Variants in EBLN1 observed in about 807,000 individuals in gnomAD.
EBLN1 encodes endogenous Bornavirus like nucleoprotein 1, also known as endogenous Bornavirus-like nucleoprotein 1.
In EBLN1, 1 loss-of-function variant was observed where a neutral mutation model predicts 0.8. The ratio of observed to expected loss-of-function variants is 1.32; its 90% confidence interval spans 0.47 to 6.26. EBLN1 has a LOEUF of 6.26. Ranked by LOEUF, EBLN1 falls within the 30% of genes most tolerant of loss-of-function variation. The probability of loss-of-function intolerance (pLI) is 0.15; values close to 1 mark genes in which losing one functional copy is unlikely to be tolerated. For synonymous variants in EBLN1, 158 were observed against 158.5 expected (o/e 1.00, Z 0.02); for missense variants, 396 against 447.9 (o/e 0.88, Z 1.05).
Position 22,217,417 on chromosome 10 carries a change from C to T in EBLN1, c.-169+499G>A, listed in dbSNP as rs564017836. Among the ~76,000 whole-genome samples, 141 of 152,318 alleles carry T rather than the reference C, an allele frequency of 9.3e-4. 1 individual carries two copies. Among genetic ancestry groups the T allele is most frequent in the Non-Finnish European group, 1.6e-3 (111 of 68,030 alleles). ...AGAACTGCTTCACTTTCATACTGTT[C>T]TCATATTCATTTCTTATGTGCCAAG... On this transcript the variant is annotated intron_variant, in intron 1 of 2. Coordinates refer to ENST00000422359, the MANE Select transcript of EBLN1 (RefSeq NM_001394757.1).
At chr10:22,214,269 A>AG (rs34227637) in intron 1 of EBLN1, among the ~76,000 whole-genome samples, 48,288 of 150,750 alleles carry the variant, frequency 0.32, 8,691 homozygotes, top group African/African-American at 0.49. Context: ...ACAGAGGAAT[A>AG]GTTTTTTGAT....
At chr10:22,210,444 CAGAA>C (rs1311396245) in intron 2 of EBLN1, among the ~76,000 whole-genome samples, 1 of 152,216 alleles carries the variant, frequency 6.6e-6, no homozygotes, top group South Asian at 2.1e-4. Context: ...CCAGGATCCA[CAGAA>C]AGAGTTAGTT....
intron 2 of EBLN1, 138 bp from the exon 3 acceptor site, chr10:22,210,165 C>T (rs1174042476): frequency 1.2e-6 from 1 of 805,618 alleles, no homozygotes; most frequent in Non-Finnish European, 1.7e-6. Flanking sequence ...ATTTCCAAAT[C>T]TCCTTAATTA....
At position 22,209,449 on chromosome 10, in the gene EBLN1, C is replaced by T. The variant is rs1834725550; in HGVS notation, c.535G>A (p.Glu179Lys). Reference sequence around the variant, plus strand: ...TAGCTAATTAATAAATCAGCACTTTCACTATGCAAAGGTCTTCCAATGGAT... The same window carrying T: ...TAGCTAATTAATAAATCAGCACTTTTACTATGCAAAGGTCTTCCAATGGAT... Reference protein sequence around the residue: ...MISIGRPLHSESADLLISYNA... With the variant: ...MISIGRPLHSKSADLLISYNA... Residue 179 changes from glutamate to lysine, a missense_variant, in exon 3 of 3, where the codon GAA becomes AAA. Transcript: ENST00000422359. 6.3e-7 allele frequency: 1 copy of T among 1,598,756 alleles called. No individual in the cohort carries two copies. Among genetic ancestry groups the T allele is most frequent in the African/African-American group, 1.3e-5 (1 of 74,930 alleles).
chr10:22,215,931 G>A (rs1834789071), intron 1 of EBLN1, among the ~76,000 whole-genome samples: 1 of 152,026 alleles, frequency 6.6e-6, no homozygotes, highest in Admixed American at 6.6e-5. Flanking sequence ...AAGAGAAAAT[G>A]ACAGTACAAA....
chr10:22,208,819 T>G lies in EBLN1; in HGVS notation c.*64A>C. The G allele has an allele frequency of 7.0e-7, 1 of 1,430,780 alleles. No individual in the cohort carries two copies. The highest frequency in any genetic ancestry group is 9.1e-7 in the Non-Finnish European group (1 of 1,093,472). The allele number at this position is 1,430,780 out of a possible 1,614,324, so 88.6% of individuals were successfully genotyped here. A position where few individuals can be genotyped will look rare whatever the true frequency, so the allele number is the denominator to read the frequency against. Reference sequence around the variant, plus strand: ...CAATAGGCAACACTCAGATACTATTTTAGAATGTGATTTTCACATAATTTC... The same window carrying G: ...CAATAGGCAACACTCAGATACTATTGTAGAATGTGATTTTCACATAATTTC... On this transcript the variant is annotated 3_prime_UTR_variant, in exon 3 of 3. Coordinates refer to ENST00000422359, the MANE Select transcript of EBLN1 (RefSeq NM_001394757.1).
chr10:22,211,172 T>G (rs1159404967), intron 2 of EBLN1, among the ~76,000 whole-genome samples: 1 of 152,224 alleles, frequency 6.6e-6, no homozygotes, highest in African/African-American at 2.4e-5. Flanking sequence ...AAGGTTATTA[T>G]GTTTTGTCAT....
chr10:22,217,331 A>G (rs1477766841), intron 1 of EBLN1, among the ~76,000 whole-genome samples: 2 of 152,166 alleles, frequency 1.3e-5, no homozygotes, highest in African/African-American at 4.8e-5. Flanking sequence ...TCACCAGTGC[A>G]AAAACTTATC....
At chr10:22,214,090 A>G (rs1307779718) in intron 1 of EBLN1, among the ~76,000 whole-genome samples, 1 of 152,218 alleles carries the variant, frequency 6.6e-6, no homozygotes, top group Admixed American at 6.5e-5. Context: ...AGGAAGTGTT[A>G]AGAAAAATGG....
At position 22,209,909 on chromosome 10, in the gene EBLN1, G is replaced by C. The variant is rs762651116; in HGVS notation, c.75C>G (p.Tyr25Ter). 3.5e-4 allele frequency: 515 copies of C among 1,480,852 alleles called. No individual in the cohort carries two copies. The highest frequency in any genetic ancestry group is 4.3e-4 in the Non-Finnish European group (478 of 1,123,504). The allele number at this position is 1,480,852 out of a possible 1,614,324, so 91.7% of individuals were successfully genotyped here. A position where few individuals can be genotyped will look rare whatever the true frequency, so the allele number is the denominator to read the frequency against. Residue 25 changes from tyrosine (Y) to a stop codon, truncating the protein, a stop_gained, in exon 3 of 3, where the codon TAC (tyrosine) becomes TAG (stop). Transcript: ENST00000422359. LOFTEE classifies it low-confidence loss of function (END_TRUNC). ...DSTKDGSSFH[Y>*]FQGRFELSGK... is the part of the protein sequence containing the mutation. ...CAGAGAGCTCAAATCTCCCTTGAAA[G>C]TAATGGAAGCTGCTCCCATCCTTTG...
In EBLN1 at chr10:22,209,659, C is replaced by T. The variant is rs779714645; in HGVS notation, c.325G>A (p.Glu109Lys). ...SKRSNIVIGN[E>K]NKETGTLYAS... ...TAGAGAGTACCTGTTTCCTTGTTCT[C>T]ATTCCCAATCACAATATTAGACCTT... The change falls in exon 3 of 3, where the codon GAG (glutamate) becomes AAG (lysine). Residue 109 changes from glutamate (E) to lysine (K), a missense_variant. By Grantham distance (56) the Glu-to-Lys change is moderately conservative (BLOSUM62 1). Coordinates refer to ENST00000422359, the MANE Select transcript of EBLN1 (RefSeq NM_001394757.1). 8 of 1,535,850 alleles carry T rather than the reference C, an allele frequency of 5.2e-6. No individual in the cohort carries two copies. The highest frequency in any genetic ancestry group is 7.0e-6 in the Non-Finnish European group (8 of 1,146,904).
intron 1 of EBLN1, among the ~76,000 whole-genome samples, chr10:22,213,668 C>T (rs1410508463): frequency 4.6e-5 from 7 of 152,090 alleles, no homozygotes; most frequent in Non-Finnish European, 4.4e-5. Flanking sequence ...TGAGCTTTTT[C>T]GAAAAACTAT....
Position 22,209,130 on chromosome 10 carries a change from A to G in EBLN1, c.854T>C (p.Leu285Pro). The change falls in exon 3 of 3, where the codon CTT (leucine) becomes CCT (proline). Residue 285 changes from leucine to proline, a missense_variant. Leu to Pro is a moderately conservative substitution (Grantham distance 98, BLOSUM62 -3). Coordinates refer to ENST00000422359, the MANE Select transcript of EBLN1 (RefSeq NM_001394757.1). ...LGDFFEFGGV[L>P]RHPVIGVLSP... ...TAGCACCCCAATAACAGGGTGGCGA[A>G]GTACACCCCCAAATTCAAAGAAATC... 4 of 1,536,106 alleles carry G rather than the reference A, an allele frequency of 2.6e-6. No individual in the cohort carries two copies. Among genetic ancestry groups the G allele is most frequent in the Non-Finnish European group, 3.5e-6 (4 of 1,146,922 alleles).
intron 2 of EBLN1, among the ~76,000 whole-genome samples, chr10:22,211,048 G>T (rs1298472081): frequency 6.6e-6 from 1 of 152,202 alleles, no homozygotes; most frequent in Non-Finnish European, 1.5e-5. Context: ...AAAGCTTAAA[G>T]CTGACGCAAT....
intron 1 of EBLN1, among the ~76,000 whole-genome samples, chr10:22,216,121 A>T (rs1381063629): frequency 6.6e-6 from 1 of 152,140 alleles, no homozygotes; most frequent in Non-Finnish European, 1.5e-5. Context: ...CCAGATATTC[A>T]GAGAAGAGTT....
At chr10:22,213,306 G>T (rs922542812) in intron 1 of EBLN1, among the ~76,000 whole-genome samples, 2 of 152,104 alleles carry the variant, frequency 1.3e-5, no homozygotes, top group African/African-American at 2.4e-5. Context: ...ATTCAAAAAT[G>T]GAAAAGTAGA....
chr10:22,209,209 A>G lies in EBLN1; in HGVS notation c.775T>C (p.Leu259=). The G allele has an allele frequency of 2.6e-6, 4 of 1,540,156 alleles. No homozygotes were observed. Among genetic ancestry groups the G allele is most frequent in the Middle Eastern group, 1.7e-4 (1 of 5,992 alleles). ...DGSTALPAVV[L]EIPVFEQKKP... The stretch of plus-strand genomic sequence containing the variant: ...TTCTGCTCAAAAACTGGAATCTCCA[A>G]CACAACAGCGGGTAAAGCAGTGGAA... The change falls in exon 3 of 3, where the codon TTG becomes CTG. Residue 259 remains leucine (L), a synonymous_variant. Transcript: ENST00000422359.
Position 22,208,749 on chromosome 10 carries a change from A to T in EBLN1, c.*134T>A. The T allele has an allele frequency of 2.2e-6, 2 of 929,848 alleles. No individual in the cohort carries two copies. The highest frequency in any genetic ancestry group is 3.0e-6 in the Non-Finnish European group (2 of 656,110). 57.6% of individuals were successfully genotyped at this position (929,848 alleles called of 1,614,324 possible). A position where few individuals can be genotyped will look rare whatever the true frequency, so the allele number is the denominator to read the frequency against. On this transcript the variant is annotated 3_prime_UTR_variant, in exon 3 of 3. Coordinates refer to ENST00000422359, the MANE Select transcript of EBLN1 (RefSeq NM_001394757.1). ...GGACTCTTTTAAAGAATAAAAGATT[A>T]TAGAGAAGTTGCGATAGATGTCAGA...
chr10:22,216,115 A>G (rs1834790332), intron 1 of EBLN1, among the ~76,000 whole-genome samples: 1 of 152,122 alleles, frequency 6.6e-6, no homozygotes, highest in Admixed American at 6.5e-5. Context: ...TGAGTACCAG[A>G]TATTCAGAGA....
Sources: allele counts gnomAD v4.1 joint callset (sites outside exome capture counted in the v4.1 genomes callset), GRCh38; gene constraint gnomAD v4.1.1; transcripts MANE v1.5; gene names NCBI Gene and HGNC (gene_info 2026-07-23, HGNC 2026-07-21).